The following WBP2 variants were observed in gnomAD, a reference collection of about 807,000 sequenced individuals.
WBP2 encodes the protein WW domain binding protein 2.
In WBP2, 23 loss-of-function variants were observed where a neutral mutation model predicts 33.0. That is an observed-to-expected ratio of 0.70 (90% CI 0.50 to 0.99). The LOEUF is 0.99. Ranked by LOEUF, WBP2 falls within the 50% of genes least tolerant of loss-of-function variation. The pLI, the probability that WBP2 is intolerant of heterozygous loss-of-function variation, is 0.00. For missense variants in WBP2, 353 were observed against 358.0 expected (o/e 0.99, Z 0.11); for synonymous variants, 153 against 133.5 (o/e 1.15, Z -1.01).
chr17:75,851,206 A>G (rs1599423999), intron 2 of WBP2: 3 of 204,266 alleles, frequency 1.5e-5, no homozygotes, highest in East Asian at 2.0e-4. Flanking sequence ...TGGATTTCTC[A>G]CTCTGGATAC....
Position 75,847,950 on chromosome 17 carries a change from G to T in WBP2, c.398-20C>A. On this transcript the variant is annotated intron_variant, in intron 4 of 7. Coordinates refer to ENST00000254806, the MANE Select transcript of WBP2 (RefSeq NM_012478.4). ...TGGAGGCTACGAGTACAAGGGGAAA[G>T]AGAAATGAGCGTGGCCTGCCTTGGG... 6.4e-7 allele frequency: 1 copy of T among 1,560,842 alleles called. No homozygotes were observed. Among genetic ancestry groups the T allele is most frequent in the Non-Finnish European group, 8.7e-7 (1 of 1,152,562 alleles).
intron 1 of WBP2, 24 bp from the exon 2 acceptor site, chr17:75,851,700 C>T: frequency 6.3e-7 from 1 of 1,583,946 alleles, no homozygotes; most frequent in Non-Finnish European, 8.7e-7. Context: ...AGAGGAAAAG[C>T]CTCAATGAGA....
chr17:75,851,561 A>G lies in WBP2; in HGVS notation c.168+7T>C. ...CTCTCAACCAACTGCCCTGCTGTGC[A>G]ACTCACCCGGTAAGGGGTAAGGTAG... On this transcript the variant is annotated splice_region_variant and intron_variant, in intron 2 of 7. Coordinates refer to ENST00000254806, the MANE Select transcript of WBP2 (RefSeq NM_012478.4). The G allele has an allele frequency of 6.2e-7, 1 of 1,608,692 alleles. No homozygotes were observed. Among genetic ancestry groups the G allele is most frequent in the Non-Finnish European group, 8.5e-7 (1 of 1,175,350 alleles).
chr17:75,848,012 G>A, intron 4 of WBP2, 82 bp from the exon 5 acceptor site: 8 of 1,518,330 alleles, frequency 5.3e-6, no homozygotes, highest in Non-Finnish European at 7.2e-6. Context: ...GCAGATGGGA[G>A]CTACTGGGTC....
chr17:75,851,671 A>G lies in WBP2; in HGVS notation c.65T>C (p.Leu22Pro). 6.2e-7 allele frequency: 1 copy of G among 1,612,428 alleles called. No individual in the cohort carries two copies. Among genetic ancestry groups the G allele is most frequent in the Non-Finnish European group, 8.5e-7 (1 of 1,178,662 alleles). The change falls in exon 2 of 8, where the codon CTA (leucine) becomes CCA (proline). Residue 22 changes from leucine (L) to proline (P), a missense_variant. By Grantham distance (98) the Leu-to-Pro change is moderately conservative. Transcript: ENST00000254806. ...GVIVNNTESI[L>P]MSYDHVELTF... ...GAGTTCCACGTGATCATAGGACATT[A>G]GGATGCTGTGATGAGAAAAGAGGAA...
chr17:75,847,378 T>A, intron 6 of WBP2, 109 bp downstream of exon 6: 1 of 1,507,246 alleles, frequency 6.6e-7, no homozygotes, highest in Admixed American at 2.0e-5. Flanking sequence ...CCAGGGGTCA[T>A]CCATCATCTG....
chr17:75,854,820 C>T (rs1317400982), intron 1 of WBP2, among the ~76,000 whole-genome samples: 1 of 152,144 alleles, frequency 6.6e-6, no homozygotes, highest in East Asian at 1.9e-4. Flanking sequence ...GAAATGTGGA[C>T]AGTAGTAGAT....
rs769535552 is a variant in WBP2, at chr17:75,847,617, G to A, written c.533-8C>T. On this transcript the variant is annotated splice_polypyrimidine_tract_variant and splice_region_variant and intron_variant, in intron 5 of 7. Transcript: ENST00000254806. The stretch of plus-strand genomic sequence containing the variant: ...GGGGTCCTGGATAGAACTCTGCTCG[G>A]TGAGAGAGTAACAAGGACATGGTGA... 7.4e-6 allele frequency: 12 copies of A among 1,612,902 alleles called. No homozygotes were observed. Among genetic ancestry groups the A allele is most frequent in the Non-Finnish European group, 9.3e-6 (11 of 1,179,728 alleles).
At chr17:75,848,933 T>C in intron 3 of WBP2, 1 of 514,288 alleles carries the variant, frequency 1.9e-6, no homozygotes, top group South Asian at 2.1e-5. Flanking sequence ...CTCCCACCCT[T>C]GGCCCAATAT....
chr17:75,849,956 G>A lies in WBP2; in HGVS notation c.169-217C>T, dbSNP rs555830500. Among the ~76,000 whole-genome samples, 12 of 152,320 alleles carry A rather than the reference G, an allele frequency of 7.9e-5. No individual in the cohort carries two copies. In the South Asian group the frequency reaches 1.4e-3, roughly 18 times the overall value. On this transcript the variant is annotated intron_variant, in intron 2 of 7. Coordinates refer to ENST00000254806, the MANE Select transcript of WBP2 (RefSeq NM_012478.4). ...AAGCTCACGCACACGGGAGAAAAAC[G>A]TGCTGGTCACAGATAGTATCTATGA...
intron 4 of WBP2, 35 bp from the exon 5 acceptor site, chr17:75,847,965 C>A (rs749777104): frequency 6.4e-7 from 1 of 1,556,694 alleles, no homozygotes; most frequent in East Asian, 2.4e-5. Context: ...ATGAGCGTGG[C>A]CTGCCTTGGG....
chr17:75,855,458 T>G (rs745765146), upstream of WBP2: 3 of 701,344 alleles, frequency 4.3e-6, no homozygotes, highest in Admixed American at 2.5e-5. Flanking sequence ...AATAGTTTAC[T>G]CCCTCCTTCC....
intron 1 of WBP2, among the ~76,000 whole-genome samples, chr17:75,854,880 C>T (rs1025322548): frequency 6.6e-6 from 1 of 152,200 alleles, no homozygotes; most frequent in Non-Finnish European, 1.5e-5. Context: ...CAGAGCCTGA[C>T]ACGTAGTAAC....
chr17:75,846,466 G>C lies in WBP2; in HGVS notation c.*268C>G. On this transcript the variant is annotated 3_prime_UTR_variant, in exon 8 of 8. Coordinates refer to ENST00000254806, the MANE Select transcript of WBP2 (RefSeq NM_012478.4). The surrounding 1 kb of genome is among the most constrained non-coding windows in gnomAD (Gnocchi z 4.8). ...GAAGCTGAGAGTGAAACAGGAACAG[G>C]GGATGCTCCGTGCTCCCAGAAGAGC... The C allele has an allele frequency of 1.9e-6, 1 of 536,274 alleles. No individual in the cohort carries two copies. The highest frequency in any genetic ancestry group is 3.5e-5 in the Admixed American group (1 of 28,810). 33.2% of individuals were successfully genotyped at this position (536,274 alleles called of 1,614,324 possible).
intron 1 of WBP2, among the ~76,000 whole-genome samples, chr17:75,854,905 A>G (rs1289351350): frequency 6.6e-6 from 1 of 152,196 alleles, no homozygotes; most frequent in Admixed American, 6.5e-5. Flanking sequence ...TAGACATCCA[A>G]TAAGTGACAA....
intron 6 of WBP2, 162 bp downstream of exon 6, chr17:75,847,325 T>C (rs890297970): frequency 8.4e-7 from 1 of 1,196,930 alleles, no homozygotes; most frequent in Non-Finnish European, 1.2e-6. Flanking sequence ...AGAATCTAGC[T>C]CCGCTCCACC....
Position 75,849,652 on chromosome 17 carries a change from C to A in WBP2, c.256G>T (p.Val86Leu), listed in dbSNP as rs771265316. ...CCCTTGATGTAGTTTGCACCAAATA[C>A]GGGCTGCTTGATCTCACAGTCTTTC... ...LMKDCEIKQP[V>L]FGANYIKGTV... Residue 86 changes from valine to leucine, a missense_variant, in exon 3 of 8, where the codon GTA becomes TTA. Val to Leu is a conservative substitution (Grantham distance 32). Transcript: ENST00000254806. The A allele has an allele frequency of 3.7e-6, 6 of 1,614,192 alleles. No homozygotes were observed. The Admixed American group carries it at 6.7e-5, about 18-fold the overall frequency.
In WBP2 at chr17:75,846,457, C is replaced by G. The variant is rs1047127213; in HGVS notation, c.*277G>C. On this transcript the variant is annotated 3_prime_UTR_variant, in exon 8 of 8. Coordinates refer to ENST00000254806, the MANE Select transcript of WBP2 (RefSeq NM_012478.4). The surrounding 1 kb of genome is among the most constrained non-coding windows in gnomAD (Gnocchi z 4.8). ...TCGAGGGGAGAAGCTGAGAGTGAAA[C>G]AGGAACAGGGGATGCTCCGTGCTCC... 1.0e-4 allele frequency: 52 copies of G among 510,492 alleles called. No individual in the cohort carries two copies. The highest frequency in any genetic ancestry group is 9.8e-5 in the Non-Finnish European group (28 of 285,764). 31.6% of individuals were successfully genotyped at this position (510,492 alleles called of 1,614,324 possible). A position where few individuals can be genotyped will look rare whatever the true frequency, so the allele number is the denominator to read the frequency against.
rs1317684362 is a variant in WBP2 at position 75,846,997 on chromosome 17, A to G, written c.656-13T>C. 1 of 1,613,878 alleles carries G rather than the reference A, an allele frequency of 6.2e-7. No homozygotes were observed. Among genetic ancestry groups the G allele is most frequent in the Non-Finnish European group, 8.5e-7 (1 of 1,179,934 alleles). Reference sequence around the variant, plus strand: ...GCCTTGGCTTCGGCTGTGAGAGCAAACACACCTGGTGTCGGTGACAAGTTC... The same window carrying G: ...GCCTTGGCTTCGGCTGTGAGAGCAAGCACACCTGGTGTCGGTGACAAGTTC... On this transcript the variant is annotated splice_polypyrimidine_tract_variant and intron_variant, in intron 6 of 7. Coordinates refer to ENST00000254806, the MANE Select transcript of WBP2 (RefSeq NM_012478.4). The surrounding 1 kb of genome is among the most constrained non-coding windows in gnomAD (Gnocchi z 4.8).
Sources: gnomAD v4.1 joint callset for allele counts (sites outside exome capture counted in the v4.1 genomes callset) on GRCh38, gnomAD v4.1.1 for gene constraint, Gnocchi (gnomAD v3.1) non-coding constraint, MANE v1.5 for transcripts, NCBI Gene and HGNC (gene_info 2026-07-23, HGNC 2026-07-21) for gene names.